PDE1C: variants seen among roughly 807,000 people sequenced by gnomAD.
PDE1C encodes the protein phosphodiesterase 1C.
In PDE1C, 62 loss-of-function variants were observed where a neutral mutation model predicts 93.1. The observed-to-expected ratio is 0.67, with a 90% CI of 0.54 to 0.82. The LOEUF (loss-of-function observed/expected upper bound fraction) is 0.82. Among genes scored for constraint, PDE1C ranks in the 40% least tolerant of loss-of-function variants. The pLI is 0.00. For missense variants in PDE1C, 742 were observed against 884.6 expected (o/e 0.84, Z 2.04); for synonymous variants, 325 against 310.1 (o/e 1.05, Z -0.50).
At chr7:31,761,678 A>T (rs1303029733) in intron 17 of PDE1C, among the ~76,000 whole-genome samples, 1 of 152,206 alleles carries the variant, frequency 6.6e-6, no homozygotes, top group African/African-American at 2.4e-5. Context: ...ACCCCAGATC[A>T]CTTAAAGCAG....
chr7:31,688,487 T>C, the PDE1C span, among the ~76,000 whole-genome samples: 1 of 152,232 alleles, frequency 6.6e-6, no homozygotes, highest in South Asian at 2.1e-4. Flanking sequence ...ACTAATGTGT[T>C]TCAGCTCCGC....
chr7:31,930,375 T>C (rs1043328471), intron 2 of PDE1C, among the ~76,000 whole-genome samples: 16 of 151,872 alleles, frequency 1.1e-4, no homozygotes, highest in African/African-American at 2.9e-4. Flanking sequence ...TTCCAAACAA[T>C]AGAAAAAGAG....
chr7:31,826,921 A>AGC (rs1789756942), intron 12 of PDE1C, among the ~76,000 whole-genome samples: 1 of 152,186 alleles, frequency 6.6e-6, no homozygotes, highest in African/African-American at 2.4e-5. Context: ...TAAAGTGCTA[A>AGC]AGCAGCCATA....
chr7:32,384,834 C>A (rs1784595003), intron 1 of PDE1C, among the ~76,000 whole-genome samples: 1 of 152,202 alleles, frequency 6.6e-6, no homozygotes, highest in Admixed American at 6.5e-5. Context: ...TTCAATAGAT[C>A]TGAGACCCAT....
intron 1 of PDE1C, among the ~76,000 whole-genome samples, chr7:32,320,430 G>A (rs866351129): frequency 6.6e-6 from 1 of 152,044 alleles, no homozygotes; most frequent in African/African-American, 2.4e-5. Flanking sequence ...TGAATGATGG[G>A]GTGATCTGTG....
At chr7:31,911,061 G>C (rs10259824) in intron 2 of PDE1C, among the ~76,000 whole-genome samples, 64,119 of 151,946 alleles carry the variant, frequency 0.42, 15,280 homozygotes, top group Non-Finnish European at 0.54. Context: ...TATCATTTTA[G>C]ATTTAGTTTA....
chr7:32,307,763 C>A (rs372431429), intron 1 of PDE1C, among the ~76,000 whole-genome samples: 11 of 152,292 alleles, frequency 7.2e-5, no homozygotes, highest in Admixed American at 3.3e-4. Flanking sequence ...GCCAAGATGG[C>A]CGAATAGGAA....
intron 2 of PDE1C, among the ~76,000 whole-genome samples, chr7:32,205,608 C>G (rs915480319): frequency 6.6e-6 from 1 of 152,128 alleles, no homozygotes; most frequent in Admixed American, 6.5e-5. Context: ...GCCAACCCCC[C>G]AGCCAACCCG....
chr7:31,817,423 C>G (rs1289887360), intron 14 of PDE1C, among the ~76,000 whole-genome samples: 2 of 152,048 alleles, frequency 1.3e-5, no homozygotes, highest in Non-Finnish European at 2.9e-5. Context: ...GTCAAATGAC[C>G]AAGGACAAGC....
At chr7:32,190,967 C>T (rs1042550994) in intron 2 of PDE1C, among the ~76,000 whole-genome samples, 1 of 151,994 alleles carries the variant, frequency 6.6e-6, no homozygotes, top group Non-Finnish European at 1.5e-5. Context: ...GAAGGGACAG[C>T]ATATGCAAAG....
rs1057209281 is a variant in PDE1C, at chr7:32,206,118, A to C, written c.136+3371T>G. ...CGGCACAGAATTCATAATTCTGGAC[A>C]CAGAATTCAAACCCCGGCTTGACCC... On this transcript the variant is annotated intron_variant, in intron 2 of 18. Transcript: ENST00000396193. 4.6e-5 allele frequency among the ~76,000 whole-genome samples: 7 copies of C among 152,254 alleles called. No individual in the cohort carries two copies. The South Asian group carries it at 1.5e-3, about 32-fold the overall frequency.
At chr7:32,299,874 A>G (rs1431304501), upstream of PDE1C, among the ~76,000 whole-genome samples, 1 of 152,234 alleles carries the variant, frequency 6.6e-6, no homozygotes, top group Non-Finnish European at 1.5e-5. Context: ...TGAGTCACAC[A>G]GAAGAGTCCA....
rs1435276949 is a variant in PDE1C, at chr7:32,304,453, T to C, written c.311-94914A>G. On this transcript the variant is annotated intron_variant, in intron 1 of 1. Coordinates refer to the PDE1C transcript ENST00000672256. ...GATTGGGGTAGGACAGCCAGCCCCA[T>C]TAGCCATTCCCTCTCTCCACTCATC... is the stretch of plus-strand genomic sequence containing the variant. Among the ~76,000 whole-genome samples the C allele has an allele frequency of 2.6e-5, 4 of 152,326 alleles. No individual in the cohort carries two copies. The East Asian group carries it at 7.7e-4, about 29-fold the overall frequency.
At chr7:32,056,819 C>T (rs2128700766) in intron 1 of PDE1C, among the ~76,000 whole-genome samples, 1 of 152,244 alleles carries the variant, frequency 6.6e-6, no homozygotes, top group East Asian at 1.9e-4. Context: ...ATTGCTTTTC[C>T]AGAATGGAAA....
chr7:32,417,089 C>T (rs1378427546), intron 1 of PDE1C, among the ~76,000 whole-genome samples: 1 of 152,086 alleles, frequency 6.6e-6, no homozygotes, highest in African/African-American at 2.4e-5. Flanking sequence ...ACTAATCTAG[C>T]CTGTGTGCTC....
At chr7:31,722,366 A>G in the PDE1C span, among the ~76,000 whole-genome samples, 1 of 152,242 alleles carries the variant, frequency 6.6e-6, no homozygotes, top group Admixed American at 6.5e-5. Context: ...TAATAGCAAC[A>G]TTTATTCAAC....
At chr7:32,410,012 CAA>C (rs1353326465) in intron 1 of PDE1C, among the ~76,000 whole-genome samples, 2 of 151,838 alleles carry the variant, frequency 1.3e-5, no homozygotes, top group Non-Finnish European at 2.9e-5. Context: ...TATAACTAAA[CAA>C]GAGAAAATAA....
At chr7:31,633,622 C>T in the PDE1C span, among the ~76,000 whole-genome samples, 7 of 152,192 alleles carry the variant, frequency 4.6e-5, no homozygotes, top group Non-Finnish European at 8.8e-5. Flanking sequence ...ATATTTATGC[C>T]ACCTGCCCAG....
chr7:31,760,603 C>G (rs900434707), intron 17 of PDE1C, among the ~76,000 whole-genome samples: 2 of 152,114 alleles, frequency 1.3e-5, no homozygotes, highest in African/African-American at 4.8e-5. Context: ...ATAATTTGGT[C>G]TACTTGGAGC....
Sources: allele counts gnomAD v4.1 joint callset (sites outside exome capture counted in the v4.1 genomes callset), GRCh38; gene constraint gnomAD v4.1.1; transcripts MANE v1.5; gene names NCBI Gene and HGNC (gene_info 2026-07-23, HGNC 2026-07-21).